NEBL: variants seen among roughly 807,000 people sequenced by gnomAD.
The protein encoded by NEBL is nebulette.
A neutral mutation model predicts 140.2 loss-of-function variants in NEBL; 122 were observed. That is an observed-to-expected ratio of 0.87 (90% CI 0.75 to 1.01). The LOEUF is 1.01. NEBL is among the 50% of genes least tolerant of loss of function. The pLI, the probability that NEBL is intolerant of heterozygous loss-of-function variation, is 0.00. For missense variants in NEBL, 1,365 were observed against 1,231.3 expected (o/e 1.11, Z -1.62); for synonymous variants, 436 against 398.9 (o/e 1.09, Z -1.11).
At chr10:21,086,825 C>T (rs1409964145) in intron 2 of NEBL, among the ~76,000 whole-genome samples, 1 of 152,078 alleles carries the variant, frequency 6.6e-6, no homozygotes, top group African/African-American at 2.4e-5. Context: ...TCTAGTGAAA[C>T]TAAAAACCAA....
chr10:21,134,709 T>G (rs1839270152), intron 2 of NEBL, among the ~76,000 whole-genome samples: 1 of 152,212 alleles, frequency 6.6e-6, no homozygotes, highest in African/African-American at 2.4e-5. Flanking sequence ...GCAAATTACT[T>G]TTAATATTAG....
chr10:21,190,998 G>T (rs1035666663), intron 3 of NEBL, among the ~76,000 whole-genome samples: 1 of 152,104 alleles, frequency 6.6e-6, no homozygotes, highest in African/African-American at 2.4e-5. Flanking sequence ...CTGTTCATTT[G>T]TTCCTTTAGA....
At chr10:21,013,636 G>T (rs1031516191) in intron 3 of NEBL, among the ~76,000 whole-genome samples, 8 of 152,186 alleles carry the variant, frequency 5.3e-5, no homozygotes, top group Non-Finnish European at 8.8e-5. Flanking sequence ...CTACCACTTT[G>T]GGAGGCCAAG....
At chr10:21,111,029 C>G (rs1837986331) in intron 2 of NEBL, 1 of 299,582 alleles carries the variant, frequency 3.3e-6, no homozygotes, top group African/African-American at 2.2e-5. Flanking sequence ...AGGAATTTAA[C>G]TTACAAGGGA....
At chr10:21,127,064 C>T (rs76849059) in intron 2 of NEBL, among the ~76,000 whole-genome samples, 1,935 of 150,822 alleles carry the variant, frequency 0.013, 50 homozygotes, top group African/African-American at 0.045. Context: ...TCAATACACT[C>T]AAACGCATCC....
intron 2 of NEBL, among the ~76,000 whole-genome samples, chr10:21,048,147 C>G (rs920154091): frequency 6.6e-6 from 1 of 152,200 alleles, no homozygotes; most frequent in African/African-American, 2.4e-5. Context: ...TCCCAGCATC[C>G]CTTGTCATTT....
intron 1 of NEBL, among the ~76,000 whole-genome samples, chr10:21,268,879 A>G (rs1842829184): frequency 6.6e-6 from 1 of 152,224 alleles, no homozygotes; most frequent in South Asian, 2.1e-4. Flanking sequence ...AGGGTGGATT[A>G]CAATTGGCAT....
intron 2 of NEBL, among the ~76,000 whole-genome samples, chr10:21,072,838 A>G (rs1835882359): frequency 6.6e-6 from 1 of 152,174 alleles, no homozygotes; most frequent in African/African-American, 2.4e-5. Context: ...TAAAAATACA[A>G]AAGTTAGCCA....
chr10:20,942,316 C>A (rs1455595070), intron 4 of NEBL, among the ~76,000 whole-genome samples: 2 of 152,124 alleles, frequency 1.3e-5, no homozygotes, highest in African/African-American at 4.8e-5. Flanking sequence ...TTTGACAAAC[C>A]TGACAAAAAC....
intron 2 of NEBL, among the ~76,000 whole-genome samples, chr10:21,103,030 A>G (rs1374684388): frequency 1.5e-5 from 2 of 132,386 alleles, no homozygotes; most frequent in African/African-American, 5.7e-5. Context: ...CCTTGTGTCC[A>G]TGGCACACAT....
chr10:21,155,617 A>T (rs1471665198), intron 2 of NEBL, among the ~76,000 whole-genome samples: 1 of 152,228 alleles, frequency 6.6e-6, no homozygotes, highest in Non-Finnish European at 1.5e-5. Flanking sequence ...ATAAGGTAAC[A>T]TTTCAACTTT....
chr10:20,872,608 A>C (rs955722247), intron 5 of NEBL, among the ~76,000 whole-genome samples: 4 of 152,240 alleles, frequency 2.6e-5, no homozygotes, highest in Non-Finnish European at 5.9e-5. Flanking sequence ...ACTGGGCTGC[A>C]TTCCCAGATG....
intron 3 of NEBL, among the ~76,000 whole-genome samples, chr10:21,018,573 G>C (rs1838652621): frequency 6.6e-6 from 1 of 152,088 alleles, no homozygotes; most frequent in South Asian, 2.1e-4. Flanking sequence ...TTAACCAACA[G>C]TAAATTCCAC....
chr10:21,221,608 G>A (rs766168665), intron 3 of NEBL, among the ~76,000 whole-genome samples: 8 of 151,866 alleles, frequency 5.3e-5, no homozygotes, highest in Non-Finnish European at 7.4e-5. Context: ...AGGCTCAAGC[G>A]AGTCTCCTGC....
At chr10:21,264,260 C>G (rs535165990) in intron 1 of NEBL, among the ~76,000 whole-genome samples, 1 of 152,042 alleles carries the variant, frequency 6.6e-6, no homozygotes, top group East Asian at 1.9e-4. Flanking sequence ...AGGCACAGCA[C>G]TGATATATAA....
intron 1 of NEBL, chr10:21,172,535 G>A: frequency 7.6e-7 from 1 of 1,321,452 alleles, no homozygotes; most frequent in Non-Finnish European, 1.1e-6. Context: ...TCACCAGGAT[G>A]GGCACAGAAG....
chr10:20,908,546 T>C (rs1848195819), intron 4 of NEBL, among the ~76,000 whole-genome samples: 1 of 152,206 alleles, frequency 6.6e-6, no homozygotes, highest in Non-Finnish European at 1.5e-5. Flanking sequence ...CTTTTCCTGC[T>C]TTTCATTCAT....
At chr10:20,930,343 C>A (rs1330917401) in intron 4 of NEBL, among the ~76,000 whole-genome samples, 1 of 152,148 alleles carries the variant, frequency 6.6e-6, no homozygotes, top group Non-Finnish European at 1.5e-5. Flanking sequence ...TGAAATTCAT[C>A]TTCTTTTCTC....
At chr10:20,798,153 AG>A (rs1412080681) in intron 26 of NEBL, among the ~76,000 whole-genome samples, 23 of 151,898 alleles carry the variant, frequency 1.5e-4, no homozygotes, top group Non-Finnish European at 3.2e-4. Flanking sequence ...CAGAAATACT[AG>A]GGGGAAAGAT....
Sources: allele counts gnomAD v4.1 joint callset (sites outside exome capture counted in the v4.1 genomes callset), GRCh38; gene constraint gnomAD v4.1.1; transcripts MANE v1.5; gene names NCBI Gene and HGNC (gene_info 2026-07-23, HGNC 2026-07-21).